The following CADPS variants were observed in gnomAD, a reference collection of about 807,000 sequenced individuals.
The protein encoded by CADPS is calcium-dependent secretion activator 1.
A neutral mutation model predicts 167.3 loss-of-function variants in CADPS; 57 were observed. The ratio of observed to expected loss-of-function variants is 0.34; its 90% CI spans 0.28 to 0.42. The LOEUF (loss-of-function observed/expected upper bound fraction) is 0.42, where lower values mean the gene tolerates loss of function less well. CADPS is among the 20% of genes least tolerant of loss of function. CADPS has a pLI of 1.00. For missense variants in CADPS, 1,414 were observed against 1,738.1 expected (o/e 0.81, Z 3.32); for synonymous variants, 676 against 635.3 (o/e 1.06, Z -0.96).
chr3:62,733,815 A>C (rs1254535710), intron 3 of CADPS, among the ~76,000 whole-genome samples: 1 of 152,122 alleles, frequency 6.6e-6, no homozygotes, highest in Non-Finnish European at 1.5e-5. Flanking sequence ...GCGATACCCA[A>C]TATGTAGTCT....
intron 4 of CADPS, among the ~76,000 whole-genome samples, chr3:62,657,371 TA>T (rs1440005505): frequency 6.6e-6 from 1 of 152,166 alleles, no homozygotes; most frequent in Non-Finnish European, 1.5e-5. Context: ...TGATTTGTCT[TA>T]AATAATTAGC....
intron 3 of CADPS, among the ~76,000 whole-genome samples, chr3:62,705,039 G>C (rs1390923354): frequency 6.6e-6 from 1 of 152,056 alleles, no homozygotes; most frequent in African/African-American, 2.4e-5. Context: ...TGGGATTCCA[G>C]CTTAGCCTTA....
At chr3:62,768,189 G>C (rs1469767115) in intron 1 of CADPS, among the ~76,000 whole-genome samples, 1 of 152,176 alleles carries the variant, frequency 6.6e-6, no homozygotes, top group Non-Finnish European at 1.5e-5. Flanking sequence ...ATATTAGGTA[G>C]CAGTTGATTT....
chr3:62,650,195 C>T (rs1023416883), intron 5 of CADPS, among the ~76,000 whole-genome samples: 1 of 152,180 alleles, frequency 6.6e-6, no homozygotes, highest in Non-Finnish European at 1.5e-5. Flanking sequence ...TTCCCATCCC[C>T]TCGAGATCCT....
intron 3 of CADPS, among the ~76,000 whole-genome samples, chr3:62,665,638 C>T (rs907725332): frequency 2.0e-5 from 3 of 152,206 alleles, no homozygotes; most frequent in African/African-American, 7.2e-5. Flanking sequence ...ATAGAGCCAC[C>T]ACTGGGGACA....
chr3:62,743,270 C>A lies in CADPS; in HGVS notation c.888+10171G>T, dbSNP rs2080703805. Among the ~76,000 whole-genome samples the A allele has an allele frequency of 3.9e-5, 6 of 152,220 alleles. No individual in the cohort carries two copies. The South Asian group carries it at 1.2e-3, about 32-fold the overall frequency. The stretch of plus-strand genomic sequence containing the variant: ...TAATTTAGGGGTTAACAAACTGCAG[C>A]CCTTGAGTCAAATACGCCAGCTGCC... On this transcript the variant is annotated intron_variant, in intron 3 of 29. Transcript: ENST00000383710.
intron 3 of CADPS, among the ~76,000 whole-genome samples, chr3:62,700,764 T>C (rs2081240617): frequency 6.6e-6 from 1 of 152,126 alleles, no homozygotes; most frequent in Admixed American, 6.6e-5. Flanking sequence ...GCACAGGATT[T>C]TTAACTGAAC....
chr3:62,814,702 G>C (rs1374976350), intron 1 of CADPS, among the ~76,000 whole-genome samples: 1 of 152,068 alleles, frequency 6.6e-6, no homozygotes, highest in African/African-American at 2.4e-5. Flanking sequence ...GCCATATTCT[G>C]AAAATATAAC....
In CADPS at chr3:62,514,682, A is replaced by G. The variant is rs1365590337; in HGVS notation, c.2581+1377T>C. 6.6e-6 allele frequency among the ~76,000 whole-genome samples: 1 copy of G among 152,142 alleles called. No homozygotes were observed. The highest frequency in any genetic ancestry group is 2.4e-5 in the African/African-American group (1 of 41,456). On this transcript the variant is annotated intron_variant, in intron 16 of 29. Coordinates refer to ENST00000383710, the MANE Select transcript of CADPS (RefSeq NM_003716.4). This position sits in a 1 kb window ranked among gnomAD's most constrained non-coding sequence, Gnocchi z 4.2. ...GAGCAGATCTTACCAAAAGACTAGT[A>G]GTAATAGCTAGACCAAGACCTATGA...
chr3:62,694,398 T>G (rs2151376965), intron 3 of CADPS, among the ~76,000 whole-genome samples: 1 of 152,204 alleles, frequency 6.6e-6, no homozygotes, highest in South Asian at 2.1e-4. Context: ...TACTTTAAAC[T>G]TTTTAATTGT....
At chr3:62,575,768 C>T (rs1302262267) in intron 8 of CADPS, among the ~76,000 whole-genome samples, 1 of 152,154 alleles carries the variant, frequency 6.6e-6, no homozygotes, top group African/African-American at 2.4e-5. Context: ...ACATGAGTCA[C>T]GATTCTAATT....
chr3:62,655,392 G>C (rs1193588524), intron 4 of CADPS, among the ~76,000 whole-genome samples: 1 of 152,148 alleles, frequency 6.6e-6, no homozygotes, highest in East Asian at 1.9e-4. Flanking sequence ...TGCTTTATGA[G>C]AAACATAGCG....
At chr3:62,661,357 G>GTA (rs1320167064) in intron 4 of CADPS, among the ~76,000 whole-genome samples, 6 of 138,006 alleles carry the variant, frequency 4.3e-5, no homozygotes, top group Non-Finnish European at 9.5e-5. Context: ...AGGTACTGAA[G>GTA]GCTGAGTAGG....
At chr3:62,683,183 C>G (rs749244130) in intron 3 of CADPS, among the ~76,000 whole-genome samples, 1 of 151,768 alleles carries the variant, frequency 6.6e-6, no homozygotes, top group Non-Finnish European at 1.5e-5. Flanking sequence ...ATGCTAGAAG[C>G]AATAAGACGT....
At chr3:62,492,875 T>G (rs2063977194) in intron 19 of CADPS, among the ~76,000 whole-genome samples, 1 of 152,240 alleles carries the variant, frequency 6.6e-6, no homozygotes, top group East Asian at 1.9e-4. Flanking sequence ...ATTGTTCACT[T>G]ATATCTACAT....
At chr3:62,644,432 T>G (rs2068083921) in intron 6 of CADPS, among the ~76,000 whole-genome samples, 1 of 152,168 alleles carries the variant, frequency 6.6e-6, no homozygotes, top group African/African-American at 2.4e-5. Context: ...AACCCATTAT[T>G]GCTCCTGTGG....
At chr3:62,611,788 G>C (rs9869127) in intron 6 of CADPS, among the ~76,000 whole-genome samples, 1 of 152,178 alleles carries the variant, frequency 6.6e-6, no homozygotes, top group Non-Finnish European at 1.5e-5. Flanking sequence ...CACTCAGCTT[G>C]TTCCAGGAGT....
intron 1 of CADPS, among the ~76,000 whole-genome samples, chr3:62,867,245 C>T (rs774650746): frequency 1.2e-4 from 18 of 151,928 alleles, no homozygotes; most frequent in East Asian, 9.6e-4. Flanking sequence ...TCAATGATAA[C>T]GAGCATAGTG....
At chr3:62,653,277 T>G (rs1276789044) in intron 4 of CADPS, among the ~76,000 whole-genome samples, 1 of 152,176 alleles carries the variant, frequency 6.6e-6, no homozygotes, top group Non-Finnish European at 1.5e-5. Context: ...ATGATGGAAC[T>G]AGTGCCTGTA....
Sources: gnomAD v4.1 joint callset for allele counts (sites outside exome capture counted in the v4.1 genomes callset) on GRCh38, gnomAD v4.1.1 for gene constraint, Gnocchi (gnomAD v3.1) non-coding constraint, MANE v1.5 for transcripts, NCBI Gene and HGNC (gene_info 2026-07-23, HGNC 2026-07-21) for gene names.